IQSEC1: variants seen among roughly 807,000 people sequenced by gnomAD.
IQSEC1 encodes IQ motif and Sec7 domain ArfGEF 1.
A neutral mutation model predicts 91.0 loss-of-function variants in IQSEC1; 31 were observed. That is an observed-to-expected ratio of 0.34 (90% CI 0.26 to 0.46). The LOEUF (loss-of-function observed/expected upper bound fraction) is 0.46. Ranked by LOEUF, IQSEC1 falls within the 20% of genes least tolerant of loss-of-function variation. The pLI, the probability that IQSEC1 is intolerant of heterozygous loss-of-function variation, is 1.00. For missense variants in IQSEC1, 1,388 were observed against 1,575.6 expected, an observed-to-expected ratio of 0.88 and a Z score of 2.02; for synonymous variants, 699 against 662.6, an observed-to-expected ratio of 1.05 and a Z score of -0.84.
At chr3:13,023,213 G>A (rs1703478965) in intron 1 of IQSEC1, among the ~76,000 whole-genome samples, 1 of 152,118 alleles carries the variant, frequency 6.6e-6, no homozygotes, top group South Asian at 2.1e-4. Context: ...GTGGGATGAA[G>A]GGCTGGAGCC....
At chr3:13,092,903 C>T (rs73014622) in intron 2 of IQSEC1, among the ~76,000 whole-genome samples, 26,841 of 152,126 alleles carry the variant, frequency 0.18, 2,461 homozygotes, top group Middle Eastern at 0.25. Flanking sequence ...CCTTGCTGTT[C>T]CCTCTGCCGC....
In IQSEC1 at chr3:12,970,673, G is replaced by A. The variant is rs985132659; in HGVS notation, c.24-28808C>T. Among the ~76,000 whole-genome samples, 1 of 152,102 alleles carries A rather than the reference G, an allele frequency of 6.6e-6. No homozygotes were observed. Among genetic ancestry groups the A allele is most frequent in the Non-Finnish European group, 1.5e-5 (1 of 68,018 alleles). ...CCTGCCACACCTCCAGCAACACTAA[G>A]CTTCTTTCAGTTCCCCACACTCCCC... On this transcript the variant is annotated intron_variant, in intron 1 of 13. Coordinates refer to ENST00000613206, the MANE Select transcript of IQSEC1 (RefSeq NM_001134382.3). The surrounding 1 kb of genome is among the most constrained non-coding windows in gnomAD (Gnocchi z 4.4).
intron 1 of IQSEC1, among the ~76,000 whole-genome samples, chr3:12,988,501 C>A (rs1701845136): frequency 6.6e-6 from 1 of 152,156 alleles, no homozygotes; most frequent in East Asian, 1.9e-4. Flanking sequence ...CTCGCAGATG[C>A]AACTTTGAGC....
intron 1 of IQSEC1, among the ~76,000 whole-genome samples, chr3:13,017,312 C>T (rs897418415): frequency 6.6e-6 from 1 of 152,236 alleles, no homozygotes; most frequent in Non-Finnish European, 1.5e-5. Context: ...TCCAGGAGGC[C>T]TGAGTGTCCA....
At chr3:13,071,820 C>T (rs1342108444) in intron 1 of IQSEC1, among the ~76,000 whole-genome samples, 1 of 148,756 alleles carries the variant, frequency 6.7e-6, no homozygotes, top group Non-Finnish European at 1.5e-5. Context: ...ATCCCCCAAA[C>T]CAGAGGCCAC....
intron 2 of IQSEC1, among the ~76,000 whole-genome samples, chr3:12,939,300 G>A (rs1698534213): frequency 6.6e-6 from 1 of 152,238 alleles, no homozygotes; most frequent in Admixed American, 6.5e-5. Flanking sequence ...GAGCAGTACA[G>A]AAGAGGAACC....
intron 1 of IQSEC1, among the ~76,000 whole-genome samples, chr3:13,005,741 G>A (rs1702608195): frequency 6.6e-6 from 1 of 152,222 alleles, no homozygotes; most frequent in African/African-American, 2.4e-5. Flanking sequence ...TGGCTCTGGA[G>A]GCTTCGTAGG....
chr3:13,058,134 G>A (rs959706591), intron 1 of IQSEC1, among the ~76,000 whole-genome samples: 3 of 152,176 alleles, frequency 2.0e-5, no homozygotes, highest in East Asian at 1.9e-4. Context: ...ACAGCCGGGC[G>A]TGGTGGCAGG....
At chr3:12,902,407 G>A (rs1422606173) in intron 13 of IQSEC1, among the ~76,000 whole-genome samples, 5 of 151,270 alleles carry the variant, frequency 3.3e-5, no homozygotes, top group African/African-American at 9.7e-5. Flanking sequence ...CGGGTGGCCC[G>A]GGCGGGGGTG....
intron 1 of IQSEC1, among the ~76,000 whole-genome samples, chr3:13,180,181 A>G (rs1229433298): frequency 1.3e-5 from 2 of 152,234 alleles, no homozygotes; most frequent in Non-Finnish European, 2.9e-5. Context: ...TGGGCTCCTG[A>G]GTCTGGTGGG....
chr3:13,159,753 G>A (rs907476776), intron 2 of IQSEC1, among the ~76,000 whole-genome samples: 2 of 152,162 alleles, frequency 1.3e-5, no homozygotes, highest in Non-Finnish European at 2.9e-5. Context: ...ATGACTGAAT[G>A]TAGCTGAGTT....
chr3:13,016,926 G>A (rs555960522), intron 1 of IQSEC1, among the ~76,000 whole-genome samples: 27 of 152,214 alleles, frequency 1.8e-4, no homozygotes, highest in African/African-American at 5.3e-4. Flanking sequence ...CCTACCTCCC[G>A]TCTCTATAGA....
At chr3:12,949,012 G>A (rs1699364310) in intron 1 of IQSEC1, among the ~76,000 whole-genome samples, 1 of 152,226 alleles carries the variant, frequency 6.6e-6, no homozygotes, top group Non-Finnish European at 1.5e-5. Flanking sequence ...AGATGCCGTG[G>A]TGGGTGTGTT....
intron 1 of IQSEC1, among the ~76,000 whole-genome samples, chr3:13,175,487 C>T (rs983982048): frequency 1.3e-4 from 20 of 152,152 alleles, no homozygotes; most frequent in African/African-American, 3.4e-4. Flanking sequence ...CAGGATCGCC[C>T]GGAAGCACGC....
chr3:13,077,789 G>C (rs1705586093), upstream of IQSEC1, among the ~76,000 whole-genome samples: 1 of 152,212 alleles, frequency 6.6e-6, no homozygotes, highest in Non-Finnish European at 1.5e-5. Context: ...AGCAAACCAA[G>C]TATCACTGAG....
chr3:13,134,115 A>T (rs188791095), intron 2 of IQSEC1, among the ~76,000 whole-genome samples: 1 of 152,358 alleles, frequency 6.6e-6, no homozygotes, highest in East Asian at 1.9e-4. Flanking sequence ...GAGGGAGTTC[A>T]TCTCCCTCCA....
chr3:12,986,594 G>A (rs1374283523), intron 1 of IQSEC1, among the ~76,000 whole-genome samples: 1 of 152,208 alleles, frequency 6.6e-6, no homozygotes, highest in Non-Finnish European at 1.5e-5. Flanking sequence ...TGGTGAACCC[G>A]AGAGTGGGAG....
intron 2 of IQSEC1, among the ~76,000 whole-genome samples, chr3:13,154,876 CAAAAGAGAAAGA>C (rs1707061567): frequency 1.5e-5 from 1 of 68,828 alleles, no homozygotes; most frequent in Non-Finnish European, 2.7e-5. Context: ...ACCAATAGGT[CAAAAGAGAAAGA>C]CCAATAGGTC....
intron 1 of IQSEC1, among the ~76,000 whole-genome samples, chr3:12,945,572 A>C (rs968352977): frequency 1.1e-4 from 17 of 151,210 alleles, no homozygotes; most frequent in Non-Finnish European, 1.8e-4. Context: ...AAACCACCCC[A>C]AAAAAAAGAA....
Sources: gnomAD v4.1 joint callset for allele counts (sites outside exome capture counted in the v4.1 genomes callset) on GRCh38, gnomAD v4.1.1 for gene constraint, Gnocchi (gnomAD v3.1) non-coding constraint, MANE v1.5 for transcripts, NCBI Gene and HGNC (gene_info 2026-07-23, HGNC 2026-07-21) for gene names.